The following NCOR2 variants were observed in gnomAD, a reference collection of about 807,000 sequenced individuals.
NCOR2 encodes the protein nuclear receptor corepressor 2.
Under a neutral mutation model 262.9 loss-of-function variants are expected in NCOR2, and 81 were observed. The ratio of observed to expected loss-of-function variants is 0.31; its 90% confidence interval spans 0.26 to 0.37. NCOR2 has a LOEUF of 0.37. NCOR2 is among the 10% of genes least tolerant of loss of function. The probability of loss-of-function intolerance (pLI) is 1.00; values close to 1 mark genes in which losing one functional copy is unlikely to be tolerated. For missense variants in NCOR2, 3,385 were observed against 3,621.4 expected, an observed-to-expected ratio of 0.93 and a Z score of 1.68; for synonymous variants, 1,659 against 1,559.3, an observed-to-expected ratio of 1.06 and a Z score of -1.51.
intron 3 of NCOR2, 134 bp from the exon 6 acceptor site, chr12:124,473,265 G>A (rs1414440108): frequency 2.7e-6 from 3 of 1,092,780 alleles, no homozygotes; most frequent in Admixed American, 2.2e-5. Flanking sequence ...ATGTCTGTGA[G>A]GGTGTTGCCA....
At chr12:124,355,147 T>C (rs2037848933) in intron 24 of NCOR2, 2 of 613,558 alleles carry the variant, frequency 3.3e-6, no homozygotes, top group Admixed American at 3.1e-5. Flanking sequence ...CCCTTGCATT[T>C]GCCCTTCCAT....
intron 1 of NCOR2, chr12:124,561,909 G>A (rs1036108306): frequency 6.6e-6 from 1 of 152,216 alleles, no homozygotes; most frequent in Non-Finnish European, 1.5e-5. Flanking sequence ...TCAGCTATTT[G>A]GGAGGCTGAG....
intron 1 of NCOR2, among the ~76,000 whole-genome samples, chr12:124,550,659 G>C (rs1243045659): frequency 5.9e-5 from 9 of 152,210 alleles, no homozygotes; most frequent in African/African-American, 2.2e-4. Flanking sequence ...GAACACATTT[G>C]TTCTGCTTCC....
At chr12:124,480,940 G>C (rs867583803) in intron 3 of NCOR2, among the ~76,000 whole-genome samples, 2 of 151,504 alleles carry the variant, frequency 1.3e-5, no homozygotes, top group South Asian at 2.1e-4. Flanking sequence ...GGTGAGGGGC[G>C]GCTGGGAGGT....
At chr12:124,438,786 G>C (rs2044563270) in intron 7 of NCOR2, among the ~76,000 whole-genome samples, 1 of 137,608 alleles carries the variant, frequency 7.3e-6, no homozygotes, top group African/African-American at 2.7e-5. Flanking sequence ...GACAGAGAGA[G>C]AGAGAGAGAG....
intron 13 of NCOR2, among the ~76,000 whole-genome samples, chr12:124,410,191 C>T (rs1565917613): frequency 6.7e-6 from 1 of 148,842 alleles, no homozygotes; most frequent in Non-Finnish European, 1.5e-5. Context: ...CCCCAGGCCC[C>T]CTCGATCCTG....
intron 13 of NCOR2, among the ~76,000 whole-genome samples, chr12:124,416,520 G>GGCGGCACAGGGAGACCCC (rs1416017498): frequency 6.6e-6 from 1 of 150,698 alleles, no homozygotes; most frequent in Non-Finnish European, 1.5e-5. Context: ...CAGGGAGACC[G>GGCGGCACAGGGAGACCCC]GCGGCACAGG....
At chr12:124,415,995 T>C (rs2042839311) in intron 13 of NCOR2, among the ~76,000 whole-genome samples, 1 of 152,210 alleles carries the variant, frequency 6.6e-6, no homozygotes, top group Non-Finnish European at 1.5e-5. Context: ...TTAAAAAATG[T>C]GACCTAAGAT....
In NCOR2 at chr12:124,481,238, C is replaced by T. The variant is rs924265503; in HGVS notation, c.411+2358G>A. On this transcript the variant is annotated intron_variant, in intron 3 of 46. Transcript: ENST00000405201. The surrounding 1 kb of genome is among the most constrained non-coding windows in gnomAD (Gnocchi z 4.6). ...AGGATGTGCTGGAAGGGTTGGGCGT[C>T]GGGGCAGGGATGCTGGCTGGGGTAC... Among the ~76,000 whole-genome samples the T allele has an allele frequency of 2.6e-5, 4 of 151,906 alleles. No individual in the cohort carries two copies. The highest frequency in any genetic ancestry group is 4.8e-5 in the African/African-American group (2 of 41,408).
At chr12:124,472,104 GGT>G (rs2046860574) in intron 4 of NCOR2, among the ~76,000 whole-genome samples, 2 of 152,278 alleles carry the variant, frequency 1.3e-5, no homozygotes, top group South Asian at 4.2e-4. Context: ...GAGGGTTGGG[GGT>G]GTGTGTTCCT....
chr12:124,502,268 A>G (rs1282735561), intron 1 of NCOR2, among the ~76,000 whole-genome samples: 2 of 152,226 alleles, frequency 1.3e-5, no homozygotes, highest in Non-Finnish European at 2.9e-5. Context: ...CACTCTGTCT[A>G]CCACGATTTG....
intron 6 of NCOR2, among the ~76,000 whole-genome samples, chr12:124,453,259 TG>T (rs35538917): frequency 6.6e-6 from 1 of 152,122 alleles, no homozygotes; most frequent in East Asian, 1.9e-4. Flanking sequence ...CCACACAGGC[TG>T]GGGGGCATGG....
intron 1 of NCOR2, among the ~76,000 whole-genome samples, chr12:124,506,661 T>C (rs2049057275): frequency 6.6e-6 from 1 of 152,010 alleles, no homozygotes; most frequent in Non-Finnish European, 1.5e-5. Flanking sequence ...TCTTCCTCAT[T>C]AAGTTCCGGG....
intron 20 of NCOR2, among the ~76,000 whole-genome samples, chr12:124,371,340 C>A (rs1032635028): frequency 3.9e-5 from 6 of 152,298 alleles, no homozygotes; most frequent in Admixed American, 6.5e-5. Flanking sequence ...TGTGTCCCCC[C>A]AGAGAAGGTA....
At chr12:124,528,234 CAT>C (rs2050588816) in intron 1 of NCOR2, among the ~76,000 whole-genome samples, 1 of 152,344 alleles carries the variant, frequency 6.6e-6, no homozygotes, top group African/African-American at 2.4e-5. Context: ...GAAGGAGACA[CAT>C]GTCAGAGCCG....
chr12:124,514,021 C>G (rs888930727), intron 1 of NCOR2: 1 of 152,276 alleles, frequency 6.6e-6, no homozygotes, highest in African/African-American at 2.4e-5. Flanking sequence ...CTGCTACATA[C>G]CCAGTGCTGG....
intron 17 of NCOR2, among the ~76,000 whole-genome samples, chr12:124,382,239 A>C (rs1459873236): frequency 1.3e-5 from 2 of 152,222 alleles, no homozygotes; most frequent in African/African-American, 2.4e-5. Context: ...TGCTTACTGC[A>C]GCGATGGGGA....
intron 7 of NCOR2, among the ~76,000 whole-genome samples, chr12:124,441,264 CA>C (rs1745161373): frequency 6.6e-6 from 1 of 152,134 alleles, no homozygotes; most frequent in Non-Finnish European, 1.5e-5. Flanking sequence ...TTGCCAAAAA[CA>C]AAAGAAAACA....
chr12:124,455,692 G>A lies in NCOR2; in HGVS notation c.762+1414C>T, dbSNP rs558802153. On this transcript the variant is annotated intron_variant, in intron 6 of 46. Coordinates refer to ENST00000405201, the Ensembl canonical transcript of NCOR2. The stretch of plus-strand genomic sequence containing the variant: ...TTCGTAGGGACCAGGAGCTGCACTA[G>A]GTGAGCCTTTAACAGGCAGCACTGC... Among the ~76,000 whole-genome samples, 117 of 152,334 alleles carry A rather than the reference G, an allele frequency of 7.7e-4. 1 individual carries two copies. The highest frequency in any genetic ancestry group is 2.8e-3 in the African/African-American group (116 of 41,574).
Sources: allele counts gnomAD v4.1 joint callset (sites outside exome capture counted in the v4.1 genomes callset), GRCh38; gene constraint gnomAD v4.1.1; non-coding constraint Gnocchi (gnomAD v3.1); transcripts MANE v1.5; gene names NCBI Gene and HGNC (gene_info 2026-07-23, HGNC 2026-07-21).